Variants in DDX31 observed in about 807,000 individuals in gnomAD.
The protein encoded by DDX31 is ATP-dependent DNA helicase DDX31.
A neutral mutation model predicts 91.3 loss-of-function variants in DDX31; 70 were observed. The ratio of observed to expected loss-of-function variants is 0.77; its 90% CI spans 0.63 to 0.94. The LOEUF (loss-of-function observed/expected upper bound fraction) is 0.94. Ranked by LOEUF, DDX31 falls within the 40% of genes least tolerant of loss-of-function variation. The probability of loss-of-function intolerance (pLI) is 0.00; values close to 1 mark genes in which losing one functional copy is unlikely to be tolerated. For missense variants in DDX31, 902 were observed against 925.0 expected, an observed-to-expected ratio of 0.98 and a Z score of 0.32; for synonymous variants, 362 against 350.6, an observed-to-expected ratio of 1.03 and a Z score of -0.36.
chr9:132,640,332 G>A (rs1207345463), intron 14 of DDX31, among the ~76,000 whole-genome samples: 3 of 152,110 alleles, frequency 2.0e-5, no homozygotes, highest in African/African-American at 7.2e-5. Flanking sequence ...ATGAATCAAG[G>A]CCCCAAAGCT....
At chr9:132,605,665 G>A (rs1050195228) in intron 19 of DDX31, among the ~76,000 whole-genome samples, 1 of 152,230 alleles carries the variant, frequency 6.6e-6, no homozygotes, top group Non-Finnish European at 1.5e-5. Context: ...AGAGACGTGA[G>A]GGTGTCTGCC....
chr9:132,645,626 C>T (rs752175882), intron 13 of DDX31, among the ~76,000 whole-genome samples: 10 of 152,200 alleles, frequency 6.6e-5, no homozygotes, highest in Non-Finnish European at 1.2e-4. Flanking sequence ...AGTCCAGGGC[C>T]TGTGAGCTCT....
intron 18 of DDX31, among the ~76,000 whole-genome samples, chr9:132,616,999 C>A (rs1044451096): frequency 6.6e-6 from 1 of 152,188 alleles, no homozygotes; most frequent in Non-Finnish European, 1.5e-5. Context: ...TTCACACTTG[C>A]CCCCGCTAGA....
rs1402184581 is a variant in DDX31, at chr9:132,643,866, T to C, written c.1381-1803A>G. On this transcript the variant is annotated intron_variant, in intron 13 of 19. Coordinates refer to ENST00000372159, the MANE Select transcript of DDX31 (RefSeq NM_022779.9). ...AATCAGAAAAAAATCAGAAAGTTCATAAAAGCTTATGAAACACCTTAAAGA... is the reference window on the plus strand; with the variant it reads ...AATCAGAAAAAAATCAGAAAGTTCACAAAAGCTTATGAAACACCTTAAAGA... 3.3e-5 allele frequency among the ~76,000 whole-genome samples: 5 copies of C among 151,516 alleles called. No individual in the cohort carries two copies. In the East Asian group the frequency reaches 7.8e-4, roughly 24 times the overall value.
Position 132,646,993 on chromosome 9 carries a change from G to A in DDX31, c.1033C>T (p.His345Tyr), listed in dbSNP as rs1371313057. ...PVSISVLDKSHDQLNPKDKAV... is the reference protein window; with the variant it reads ...PVSISVLDKSYDQLNPKDKAV... Reference sequence around the variant, plus strand: ...TTGTCCTTTGGGTTCAACTGGTCATGGCTCTTGTCCAGGACAGAAATACTG... The same window carrying A: ...TTGTCCTTTGGGTTCAACTGGTCATAGCTCTTGTCCAGGACAGAAATACTG... The change falls in exon 12 of 20, where the codon CAT (histidine) becomes TAT (tyrosine). Residue 345 changes from histidine to tyrosine, a missense_variant. His to Tyr is a moderately conservative substitution (Grantham distance 83). Coordinates refer to ENST00000372159, the MANE Select transcript of DDX31 (RefSeq NM_022779.9). 1 of 1,614,080 alleles carries A rather than the reference G, an allele frequency of 6.2e-7. No homozygotes were observed. Among genetic ancestry groups the A allele is most frequent in the Non-Finnish European group, 8.5e-7 (1 of 1,180,032 alleles).
chr9:132,664,712 C>T (rs918695920), intron 1 of DDX31, among the ~76,000 whole-genome samples: 3 of 101,262 alleles, frequency 3.0e-5, no homozygotes, highest in Non-Finnish European at 4.0e-5. Flanking sequence ...GTAAGACCCT[C>T]GCTCAAAAAA....
At chr9:132,629,376 G>GT (rs1196432912) in intron 16 of DDX31, among the ~76,000 whole-genome samples, 7 of 152,208 alleles carry the variant, frequency 4.6e-5, no homozygotes, top group Non-Finnish European at 1.0e-4. Context: ...GCCTCAGTCC[G>GT]TAAGTGTTCA....
rs558159480 is a variant in DDX31, at chr9:132,601,973, A to G, written c.1995-6861T>C. 4.6e-5 allele frequency among the ~76,000 whole-genome samples: 7 copies of G among 152,364 alleles called. 1 individual carries two copies. The highest frequency in any genetic ancestry group is 1.7e-4 in the African/African-American group (7 of 41,594). On this transcript the variant is annotated intron_variant, in intron 19 of 19. Coordinates refer to ENST00000372159, the MANE Select transcript of DDX31 (RefSeq NM_022779.9). ...ACTAGTGTTATTATTAACAGCACGA[A>G]AAAGAGAAAAGGGGAGGAGACAGGA...
At chr9:132,635,628 T>C (rs973874025) in intron 14 of DDX31, among the ~76,000 whole-genome samples, 1 of 150,606 alleles carries the variant, frequency 6.6e-6, no homozygotes, top group Admixed American at 6.6e-5. Context: ...TGAAAAACAA[T>C]AATACTATGC....
chr9:132,665,349 T>A (rs1162120901), intron 1 of DDX31, among the ~76,000 whole-genome samples: 1 of 152,156 alleles, frequency 6.6e-6, no homozygotes, highest in Non-Finnish European at 1.5e-5. Flanking sequence ...AGATACAAAG[T>A]AGATTTGCCA....
intron 14 of DDX31, among the ~76,000 whole-genome samples, chr9:132,638,663 A>T (rs1833280541): frequency 6.6e-6 from 1 of 152,200 alleles, no homozygotes; most frequent in African/African-American, 2.4e-5. Context: ...GCCACATTAC[A>T]CAAAGCCACA....
chr9:132,618,748 A>G (rs1280852983), intron 17 of DDX31, among the ~76,000 whole-genome samples: 3 of 152,242 alleles, frequency 2.0e-5, no homozygotes, highest in Non-Finnish European at 4.4e-5. Context: ...TTCCAAGTCC[A>G]ATTCAGACAT....
At chr9:132,602,116 C>G (rs1380705041) in intron 19 of DDX31, among the ~76,000 whole-genome samples, 1 of 152,182 alleles carries the variant, frequency 6.6e-6, no homozygotes, top group Admixed American at 6.5e-5. Context: ...AGAGGCCAAA[C>G]AATGGAAATA....
chr9:132,637,833 C>T (rs2130715610), intron 14 of DDX31: 1 of 986,000 alleles, frequency 1.0e-6, no homozygotes, highest in Non-Finnish European at 1.2e-6. Flanking sequence ...GAAAAAGATA[C>T]ACTTTACCTA....
intron 18 of DDX31, 79 bp downstream of exon 18, chr9:132,618,251 T>G: frequency 2.4e-6 from 3 of 1,239,362 alleles, no homozygotes; most frequent in Non-Finnish European, 3.4e-6. Flanking sequence ...CTCAACCGGT[T>G]TGGGGGTATG....
At chr9:132,654,848 A>G (rs1834447818) in intron 6 of DDX31, among the ~76,000 whole-genome samples, 1 of 148,068 alleles carries the variant, frequency 6.8e-6, no homozygotes, top group East Asian at 2.1e-4. Context: ...TGGGAGCCTG[A>G]GGCAGGAGAA....
rs143522033 is a variant in DDX31 at position 132,661,234 on chromosome 9, C to T, written c.426G>A (p.Thr142=). Residue 142 remains threonine (T), a synonymous_variant, in exon 4 of 20, where the codon ACG becomes ACA. Transcript: ENST00000372159. ...LHPHLISTIN[T]VLKMSSMTSV... is the part of the protein sequence containing the mutation. ...TGGTCATACTAGACATTTTTAAGACCGTATTTATTGTGGAAATCTAAAAGA... is the reference window on the plus strand; with the variant it reads ...TGGTCATACTAGACATTTTTAAGACTGTATTTATTGTGGAAATCTAAAAGA... The T allele has an allele frequency of 1.4e-5, 22 of 1,607,240 alleles. No homozygotes were observed. Among genetic ancestry groups the T allele is most frequent in the South Asian group, 1.0e-4 (9 of 90,336 alleles).
rs765149111 is a variant in DDX31 at position 132,642,005 on chromosome 9, G to A, written c.1439C>T (p.Thr480Met). 2.5e-5 allele frequency: 40 copies of A among 1,613,522 alleles called. No individual in the cohort carries two copies. Among genetic ancestry groups the A allele is most frequent in the African/African-American group, 5.3e-5 (4 of 74,908 alleles). ...CATGGAACACAGGAGGATACGTACC[G>A]TGCAAAGAAGGACGCCTCTTCTGGA... ...SHSRRGVLLC[T>M]DVAARGLDLP... The change falls in exon 14 of 20, where the codon ACG (threonine) becomes ATG (methionine). Residue 480 changes from threonine to methionine, a missense_variant and splice_region_variant. Coordinates refer to ENST00000372159, the MANE Select transcript of DDX31 (RefSeq NM_022779.9).
intron 1 of DDX31, among the ~76,000 whole-genome samples, chr9:132,666,610 T>C (rs1835323850): frequency 6.6e-6 from 1 of 152,130 alleles, no homozygotes; most frequent in Non-Finnish European, 1.5e-5. Flanking sequence ...CCTCCACTGG[T>C]TCCTGGGTTC....
Sources: gnomAD v4.1 joint callset for allele counts (sites outside exome capture counted in the v4.1 genomes callset) on GRCh38, gnomAD v4.1.1 for gene constraint, MANE v1.5 for transcripts, NCBI Gene and HGNC (gene_info 2026-07-23, HGNC 2026-07-21) for gene names.